The following MACROD2 variants were observed in gnomAD, a reference collection of about 807,000 sequenced individuals.
MACROD2 encodes the protein ADP-ribose glycohydrolase MACROD2.
Under a neutral mutation model 70.4 loss-of-function variants are expected in MACROD2, and 36 were observed. The observed-to-expected ratio is 0.51, with a 90% CI of 0.39 to 0.68. The LOEUF (loss-of-function observed/expected upper bound fraction) is 0.68, where lower values mean the gene tolerates loss of function less well. Among genes scored for constraint, MACROD2 ranks in the 30% least tolerant of loss-of-function variants. The pLI, the probability that MACROD2 is intolerant of heterozygous loss-of-function variation, is 0.00. For missense variants in MACROD2, 496 were observed against 538.4 expected (o/e 0.92, Z 0.78); for synonymous variants, 172 against 178.8 (o/e 0.96, Z 0.30).
At chr20:14,502,584 G>C (rs398372) in intron 4 of MACROD2, among the ~76,000 whole-genome samples, 124,778 of 152,182 alleles carry the variant, frequency 0.82, 51,570 homozygotes, top group East Asian at 1. Flanking sequence ...ACTGTAAAAT[G>C]TTGTTGAACT....
At chr20:15,317,952 A>T (rs2077831901) in intron 6 of MACROD2, among the ~76,000 whole-genome samples, 2 of 152,116 alleles carry the variant, frequency 1.3e-5, no homozygotes, top group South Asian at 4.1e-4. Context: ...GATACATAAA[A>T]TTAGCCATCA....
At chr20:15,588,904 G>A (rs1324637772) in intron 8 of MACROD2, among the ~76,000 whole-genome samples, 1 of 152,134 alleles carries the variant, frequency 6.6e-6, no homozygotes, top group Non-Finnish European at 1.5e-5. Flanking sequence ...GCCTCTGCCT[G>A]TTACCCAGTT....
At chr20:15,678,363 CTTTTT>C (rs534273474) in intron 8 of MACROD2, among the ~76,000 whole-genome samples, 45 of 143,698 alleles carry the variant, frequency 3.1e-4, no homozygotes, top group Non-Finnish European at 5.4e-4. Context: ...AAGGCCCCAT[CTTTTT>C]TTTTTTTTTG....
intron 5 of MACROD2, among the ~76,000 whole-genome samples, chr20:14,923,752 G>T (rs933032175): frequency 1.4e-5 from 2 of 143,978 alleles, no homozygotes; most frequent in African/African-American, 5.1e-5. Context: ...TTAATTATAG[G>T]CCTTGTGCCT....
chr20:14,413,221 G>T (rs531356959), intron 3 of MACROD2, among the ~76,000 whole-genome samples: 2 of 147,060 alleles, frequency 1.4e-5, no homozygotes, highest in East Asian at 3.9e-4. Context: ...CCTTAAATAT[G>T]TACGTGCGTG....
At chr20:15,630,944 C>T (rs1366256992) in intron 8 of MACROD2, among the ~76,000 whole-genome samples, 2 of 152,194 alleles carry the variant, frequency 1.3e-5, no homozygotes, top group Non-Finnish European at 2.9e-5. Flanking sequence ...AGGTTAGCTT[C>T]ATCTGTTGCA....
chr20:14,470,954 G>A (rs565423888), intron 3 of MACROD2, among the ~76,000 whole-genome samples: 13 of 152,116 alleles, frequency 8.5e-5, no homozygotes, highest in Admixed American at 2.0e-4. Flanking sequence ...GCTGGCATTC[G>A]AGGTGCCACT....
At chr20:15,989,920 T>C (rs2066535748) in intron 15 of MACROD2, among the ~76,000 whole-genome samples, 1 of 152,146 alleles carries the variant, frequency 6.6e-6, no homozygotes, top group South Asian at 2.1e-4. Flanking sequence ...GTAGATAATC[T>C]TCAGGATACA....
At chr20:15,189,963 A>G (rs1198948338) in intron 5 of MACROD2, among the ~76,000 whole-genome samples, 1 of 152,140 alleles carries the variant, frequency 6.6e-6, no homozygotes, top group Non-Finnish European at 1.5e-5. Context: ...CTCCCAATGC[A>G]CTAACAGATA....
chr20:15,258,044 TAAA>T (rs147386624), intron 6 of MACROD2, among the ~76,000 whole-genome samples: 1 of 150,468 alleles, frequency 6.6e-6, no homozygotes, highest in African/African-American at 2.4e-5. Flanking sequence ...TTCAAAAGTT[TAAA>T]AAAAAAGGTA....
chr20:14,371,761 T>G (rs747474687), intron 3 of MACROD2, among the ~76,000 whole-genome samples: 11 of 152,102 alleles, frequency 7.2e-5, no homozygotes, highest in Non-Finnish European at 1.5e-4. Flanking sequence ...CATTGCTAGA[T>G]TGCCTTCCAT....
chr20:15,234,009 A>ATATATATATATATTTTTTTTT (rs1555795277), intron 6 of MACROD2, among the ~76,000 whole-genome samples: 1 of 39,998 alleles, frequency 2.5e-5, no homozygotes, highest in African/African-American at 8.6e-5. Context: ...ATATATATAT[A>ATATATATATATATTTTTTTTT]TTCTTTTTTT....
intron 4 of MACROD2, among the ~76,000 whole-genome samples, chr20:14,516,766 G>A (rs979743635): frequency 4.6e-5 from 7 of 152,070 alleles, no homozygotes; most frequent in Non-Finnish European, 2.9e-5. Flanking sequence ...CCTACAGAAT[G>A]GGAGAAAATT....
At chr20:15,685,887 G>C (rs182988344) in intron 8 of MACROD2, among the ~76,000 whole-genome samples, 1 of 152,196 alleles carries the variant, frequency 6.6e-6, no homozygotes, top group South Asian at 2.1e-4. Flanking sequence ...TATTGAAATG[G>C]ACTGTTTAGG....
intron 6 of MACROD2, among the ~76,000 whole-genome samples, chr20:15,301,892 T>A (rs2077647992): frequency 6.6e-6 from 1 of 152,154 alleles, no homozygotes; most frequent in African/African-American, 2.4e-5. Context: ...CTTTCAGATG[T>A]GCAAAGGATG....
At chr20:15,005,242 C>A (rs1021181482) in intron 5 of MACROD2, among the ~76,000 whole-genome samples, 3 of 152,276 alleles carry the variant, frequency 2.0e-5, no homozygotes, top group Non-Finnish European at 2.9e-5. Context: ...ACTGGAATTT[C>A]CTATCACTGT....
At position 14,217,814 on chromosome 20, in the gene MACROD2, C is replaced by T. The variant is rs546998774; in HGVS notation, c.271+132086C>T. 4.6e-5 allele frequency among the ~76,000 whole-genome samples: 7 copies of T among 152,148 alleles called. No homozygotes were observed. The South Asian group carries it at 1.5e-3, about 32-fold the overall frequency. On this transcript the variant is annotated intron_variant, in intron 3 of 17. Transcript: ENST00000684519. ...TGTGTGTAAAGGTGTTCATAGTAGC[C>T]TTGAATGATCTTTCATATTTCAGTG...
intron 3 of MACROD2, among the ~76,000 whole-genome samples, chr20:14,207,041 A>G (rs1159346759): frequency 6.6e-6 from 1 of 152,196 alleles, no homozygotes; most frequent in Non-Finnish European, 1.5e-5. Context: ...AGCGAATATC[A>G]GATGGTGATA....
intron 7 of MACROD2, among the ~76,000 whole-genome samples, chr20:15,491,027 G>A (rs995959992): frequency 6.6e-6 from 1 of 152,094 alleles, no homozygotes; most frequent in African/African-American, 2.4e-5. Flanking sequence ...GTATTCTTAT[G>A]AAAATTAAAC....
Sources: gnomAD v4.1 joint callset for allele counts (sites outside exome capture counted in the v4.1 genomes callset) on GRCh38, gnomAD v4.1.1 for gene constraint, MANE v1.5 for transcripts, NCBI Gene and HGNC (gene_info 2026-07-23, HGNC 2026-07-21) for gene names.